WNT10A: variants seen among roughly 807,000 people sequenced by gnomAD.
WNT10A encodes Wnt family member 10A.
Under a neutral mutation model 36.1 loss-of-function variants are expected in WNT10A, and 37 were observed. The ratio of observed to expected loss-of-function variants is 1.02; its 90% CI spans 0.79 to 1.35. The LOEUF is 1.35. Among genes scored for constraint, WNT10A ranks in the 40% most tolerant of loss-of-function variants. The pLI, the probability that WNT10A is intolerant of heterozygous loss-of-function variation, is 0.00. For missense variants in WNT10A, 613 were observed against 601.4 expected, an observed-to-expected ratio of 1.02 and a Z score of -0.20; for synonymous variants, 255 against 254.1, an observed-to-expected ratio of 1.00 and a Z score of -0.03.
chr2:218,888,257 T>C (rs931390061), intron 2 of WNT10A, among the ~76,000 whole-genome samples: 2 of 152,214 alleles, frequency 1.3e-5, no homozygotes, highest in African/African-American at 4.8e-5. Context: ...TGGTCCATTC[T>C]CAGATGCAGA....
upstream of WNT10A, among the ~76,000 whole-genome samples, chr2:218,877,487 C>T (rs1944463380): frequency 6.6e-6 from 1 of 152,178 alleles, no homozygotes; most frequent in African/African-American, 2.4e-5. The surrounding 1 kb of genome is among the most constrained non-coding windows in gnomAD (Gnocchi z 4.1). Flanking sequence ...GAGTTCCCAC[C>T]ACCACCCACC....
At position 218,893,901 on chromosome 2, in the gene WNT10A, A is replaced by C. The variant is rs931556303; in HGVS notation, c.*630A>C. The C allele has an allele frequency of 6.6e-6, 1 of 152,298 alleles. No homozygotes were observed. The highest frequency in any genetic ancestry group is 2.4e-5 in the African/African-American group (1 of 41,434). 9.4% of individuals were successfully genotyped at this position (152,298 alleles called of 1,614,324 possible). A position where few individuals can be genotyped will look rare whatever the true frequency, so the allele number is the denominator to read the frequency against. ...GGTTACATTCTTGCTGGGGGGAGGCATGGGCAATAAACAAGTAAATATACA... is the reference window on the plus strand; with the variant it reads ...GGTTACATTCTTGCTGGGGGGAGGCCTGGGCAATAAACAAGTAAATATACA... On this transcript the variant is annotated 3_prime_UTR_variant, in exon 4 of 4. Transcript: ENST00000258411. The surrounding 1 kb of genome is among the most constrained non-coding windows in gnomAD (Gnocchi z 6.3).
chr2:218,892,360 C>T (rs1944663066), intron 3 of WNT10A, among the ~76,000 whole-genome samples: 1 of 141,276 alleles, frequency 7.1e-6, no homozygotes, highest in Non-Finnish European at 1.5e-5. Context: ...CACACACACA[C>T]GGCCTGGAGC....
chr2:218,886,042 A>G (rs980090906), intron 2 of WNT10A, among the ~76,000 whole-genome samples: 1 of 152,188 alleles, frequency 6.6e-6, no homozygotes, highest in Non-Finnish European at 1.5e-5. Flanking sequence ...AAAGTGAGCC[A>G]TAGATCTAGG....
rs1276937573 is a variant in WNT10A, at chr2:218,893,311, C to T, written c.*40C>T. On this transcript the variant is annotated 3_prime_UTR_variant, in exon 4 of 4. Transcript: ENST00000258411. The surrounding 1 kb of genome is among the most constrained non-coding windows in gnomAD (Gnocchi z 6.3). ...CCTGGGCCCTGATCGAGGTCCCCTC[C>T]TGGAGCCTGGCCCTCTGAGGCTTAC... 6.6e-7 allele frequency: 1 copy of T among 1,526,298 alleles called. No individual in the cohort carries two copies. The highest frequency in any genetic ancestry group is 1.2e-5 in the South Asian group (1 of 83,554). The allele number at this position is 1,526,298 out of a possible 1,614,324, so 94.5% of individuals were successfully genotyped here.
intron 3 of WNT10A, among the ~76,000 whole-genome samples, chr2:218,891,882 G>A (rs1288416581): frequency 2.0e-5 from 3 of 152,172 alleles, no homozygotes; most frequent in African/African-American, 7.2e-5. Flanking sequence ...GGAAAGGAGG[G>A]GATGTGGCCA....
chr2:218,880,965 C>T lies in WNT10A; in HGVS notation c.-31C>T. ...TCCAGTCCCACTGGGCTGTGAGCCCCCCACTCCCAGCCCGTCAGGGCCTGC... is the reference window on the plus strand; with the variant it reads ...TCCAGTCCCACTGGGCTGTGAGCCCTCCACTCCCAGCCCGTCAGGGCCTGC... On this transcript the variant is annotated 5_prime_UTR_variant, in exon 1 of 4. Transcript: ENST00000258411. This position sits in a 1 kb window ranked among gnomAD's most constrained non-coding sequence, Gnocchi z 7.7. 6.5e-7 allele frequency: 1 copy of T among 1,550,236 alleles called. No individual in the cohort carries two copies. Among genetic ancestry groups the T allele is most frequent in the Non-Finnish European group, 8.7e-7 (1 of 1,147,250 alleles).
At chr2:218,892,400 T>C (rs111547253) in intron 3 of WNT10A, among the ~76,000 whole-genome samples, 8 of 145,420 alleles carry the variant, frequency 5.5e-5, no homozygotes, top group South Asian at 2.2e-4. Flanking sequence ...ACCCTCCTGC[T>C]CCTGGCCCCT....
In WNT10A at chr2:218,880,992, C is replaced by T; in HGVS notation, c.-4C>T. Reference sequence around the variant, plus strand: ...CACTCCCAGCCCGTCAGGGCCTGCGCGCCATGGGCAGCGCCCACCCTCGCC... The same window carrying T: ...CACTCCCAGCCCGTCAGGGCCTGCGTGCCATGGGCAGCGCCCACCCTCGCC... On this transcript the variant is annotated 5_prime_UTR_variant, in exon 1 of 4. Transcript: ENST00000258411. The surrounding 1 kb of genome is among the most constrained non-coding windows in gnomAD (Gnocchi z 7.7). The T allele has an allele frequency of 3.8e-6, 6 of 1,568,548 alleles. No individual in the cohort carries two copies. Among genetic ancestry groups the T allele is most frequent in the Non-Finnish European group, 5.2e-6 (6 of 1,156,482 alleles).
chr2:218,893,733 T>G lies in WNT10A; in HGVS notation c.*462T>G. The G allele has an allele frequency of 3.2e-5, 5 of 157,808 alleles. No individual in the cohort carries two copies. The highest frequency in any genetic ancestry group is 3.1e-3 in the Middle Eastern group (1 of 326). 9.8% of individuals were successfully genotyped at this position (157,808 alleles called of 1,614,324 possible). A position where few individuals can be genotyped will look rare whatever the true frequency, so the allele number is the denominator to read the frequency against. On this transcript the variant is annotated 3_prime_UTR_variant, in exon 4 of 4. Transcript: ENST00000258411. The surrounding 1 kb of genome is among the most constrained non-coding windows in gnomAD (Gnocchi z 6.3). Reference sequence around the variant, plus strand: ...AGGGCCCAGACAGCCTCCTCCACCATTCCCTTCATCATTCATTTAACAAAT... The same window carrying G: ...AGGGCCCAGACAGCCTCCTCCACCAGTCCCTTCATCATTCATTTAACAAAT...
intron 2 of WNT10A, among the ~76,000 whole-genome samples, chr2:218,888,991 C>T (rs750156072): frequency 2.0e-4 from 30 of 152,212 alleles, no homozygotes; most frequent in East Asian, 5.8e-4. Context: ...TAAGTTCTTT[C>T]GTGGTGATTT....
intron 3 of WNT10A, 21 bp from the exon 4 acceptor site, chr2:218,892,753 T>A (rs758625721): frequency 2.5e-6 from 4 of 1,570,360 alleles, no homozygotes; most frequent in Non-Finnish European, 3.5e-6. Context: ...GTGTCACCCC[T>A]CACGGTGCCT....
intron 2 of WNT10A, among the ~76,000 whole-genome samples, chr2:218,888,309 C>T (rs1944600947): frequency 6.6e-6 from 1 of 152,236 alleles, no homozygotes; most frequent in African/African-American, 2.4e-5. Flanking sequence ...TGGGACCCTC[C>T]TTTGCAAGTA....
At chr2:218,882,046 A>C (rs1426906128) in intron 1 of WNT10A, 115 bp from the exon 2 acceptor site, 1 of 1,381,408 alleles carries the variant, frequency 7.2e-7, no homozygotes. Flanking sequence ...CAACCTTCAG[A>C]AGCAGAGGTT....
At chr2:218,890,493 T>C in intron 3 of WNT10A, 130 bp downstream of exon 3, 1 of 1,349,122 alleles carries the variant, frequency 7.4e-7, no homozygotes, top group Non-Finnish European at 1.0e-6. Context: ...TCGTTGACCC[T>C]GTCTAATTCA....
At chr2:218,891,502 C>T (rs368195713) in intron 3 of WNT10A, among the ~76,000 whole-genome samples, 11 of 152,232 alleles carry the variant, frequency 7.2e-5, no homozygotes, top group East Asian at 5.8e-4. Flanking sequence ...GACTTAGAGG[C>T]GGGGTAAACT....
chr2:218,878,633 A>C (rs546843598), upstream of WNT10A, among the ~76,000 whole-genome samples: 33 of 152,026 alleles, frequency 2.2e-4, no homozygotes, highest in Middle Eastern at 3.4e-3. The surrounding 1 kb of genome is among the most constrained non-coding windows in gnomAD (Gnocchi z 4.1). Flanking sequence ...ATTCAACTTC[A>C]TGGGGCCTGG....
intron 2 of WNT10A, among the ~76,000 whole-genome samples, chr2:218,883,342 TGGAGTG>T (rs1944539893): frequency 6.6e-6 from 1 of 152,074 alleles, no homozygotes; most frequent in African/African-American, 2.4e-5. Flanking sequence ...TCAGTGGAGG[TGGAGTG>T]GGAGAGGTAC....
At chr2:218,886,569 G>T (rs1944579793) in intron 2 of WNT10A, among the ~76,000 whole-genome samples, 1 of 152,128 alleles carries the variant, frequency 6.6e-6, no homozygotes, top group Non-Finnish European at 1.5e-5. Flanking sequence ...GATGCTGGCA[G>T]TCCCTGTCCC....
Sources: gnomAD v4.1 joint callset for allele counts (sites outside exome capture counted in the v4.1 genomes callset) on GRCh38, gnomAD v4.1.1 for gene constraint, Gnocchi (gnomAD v3.1) non-coding constraint, MANE v1.5 for transcripts, NCBI Gene and HGNC (gene_info 2026-07-23, HGNC 2026-07-21) for gene names.